GPC5: variants seen among roughly 807,000 people sequenced by gnomAD.
GPC5 encodes glypican-5.
In GPC5, 47 loss-of-function variants were observed where a neutral mutation model predicts 53.9. The ratio of observed to expected loss-of-function variants is 0.87; its 90% CI spans 0.69 to 1.11. The LOEUF is 1.11. Among genes scored for constraint, GPC5 ranks in the 50% most tolerant of loss-of-function variants. The probability of loss-of-function intolerance (pLI) is 0.00; values close to 1 mark genes in which losing one functional copy is unlikely to be tolerated. For missense variants in GPC5, 748 were observed against 713.1 expected (o/e 1.05, Z -0.56); for synonymous variants, 286 against 263.3 (o/e 1.09, Z -0.84).
chr13:91,686,895 C>A (rs928407281), intron 2 of GPC5, among the ~76,000 whole-genome samples: 80 of 152,010 alleles, frequency 5.3e-4, no homozygotes, highest in African/African-American at 1.9e-3. Flanking sequence ...GCACAAAATG[C>A]AAATTCGCTC....
chr13:92,047,295 T>G (rs1594742549), intron 6 of GPC5, among the ~76,000 whole-genome samples: 1 of 152,118 alleles, frequency 6.6e-6, no homozygotes, highest in Admixed American at 6.6e-5. Flanking sequence ...ATCTGAATTC[T>G]CAGTTGGATG....
chr13:92,729,747 A>AAGAT (rs1888751133), intron 7 of GPC5, among the ~76,000 whole-genome samples: 1 of 151,384 alleles, frequency 6.6e-6, no homozygotes, highest in Non-Finnish European at 1.5e-5. Context: ...TAAGACAGGA[A>AAGAT]AGATAGGATT....
intron 7 of GPC5, among the ~76,000 whole-genome samples, chr13:92,712,921 G>C (rs1888188404): frequency 6.6e-6 from 1 of 152,082 alleles, no homozygotes; most frequent in African/African-American, 2.4e-5. Flanking sequence ...AAACCAGGGA[G>C]AAAGGCCCTC....
At chr13:91,842,394 C>G (rs1043727704) in intron 5 of GPC5, among the ~76,000 whole-genome samples, 1 of 148,516 alleles carries the variant, frequency 6.7e-6, no homozygotes, top group African/African-American at 2.5e-5. Context: ...ACTCACAGGG[C>G]AAACTAGATG....
chr13:92,000,049 A>T (rs1594715691), intron 6 of GPC5, among the ~76,000 whole-genome samples: 2 of 152,352 alleles, frequency 1.3e-5, no homozygotes, highest in East Asian at 3.9e-4. Flanking sequence ...TGAAGATGAA[A>T]TAAGATCTAA....
At chr13:92,235,470 C>G (rs760036325) in intron 7 of GPC5, among the ~76,000 whole-genome samples, 2 of 152,098 alleles carry the variant, frequency 1.3e-5, no homozygotes, top group African/African-American at 4.8e-5. Flanking sequence ...TTTTCATACC[C>G]ATATTCCACA....
chr13:91,492,001 A>G (rs1883965779), intron 2 of GPC5, among the ~76,000 whole-genome samples: 1 of 152,212 alleles, frequency 6.6e-6, no homozygotes, highest in Admixed American at 6.5e-5. Flanking sequence ...TCTGTTGAAT[A>G]CTTAGCAATT....
intron 2 of GPC5, among the ~76,000 whole-genome samples, chr13:91,498,579 T>C (rs1289967368): frequency 6.6e-6 from 1 of 152,116 alleles, no homozygotes; most frequent in African/African-American, 2.4e-5. Flanking sequence ...GGTTGGGGAA[T>C]CTGGGAGATC....
chr13:91,509,635 T>C (rs1252859272), intron 2 of GPC5, among the ~76,000 whole-genome samples: 4 of 151,994 alleles, frequency 2.6e-5, no homozygotes, highest in African/African-American at 9.6e-5. Context: ...CAAAAGAGTT[T>C]TATATTAAAC....
intron 6 of GPC5, among the ~76,000 whole-genome samples, chr13:91,910,647 A>G (rs569753975): frequency 6.6e-6 from 1 of 152,264 alleles, no homozygotes; most frequent in East Asian, 1.9e-4. Context: ...TCTGAACCTT[A>G]TTTCTACCCT....
chr13:91,737,090 C>A (rs1031614039), intron 4 of GPC5, among the ~76,000 whole-genome samples: 2 of 151,172 alleles, frequency 1.3e-5, no homozygotes, highest in Non-Finnish European at 2.9e-5. Context: ...GGCAACAGAG[C>A]GAGACTCCGT....
At chr13:92,536,145 G>A (rs1881715149) in intron 7 of GPC5, among the ~76,000 whole-genome samples, 1 of 152,032 alleles carries the variant, frequency 6.6e-6, no homozygotes, top group African/African-American at 2.4e-5. Context: ...TCGTCTCTAA[G>A]CCTTTCGTAC....
At chr13:92,678,159 CT>C in intron 7 of GPC5, among the ~76,000 whole-genome samples, 1 of 152,090 alleles carries the variant, frequency 6.6e-6, no homozygotes, top group Non-Finnish European at 1.5e-5. Context: ...ATATCCAACA[CT>C]TTTTAAGGAA....
chr13:92,159,727 C>T (rs1354791075), intron 7 of GPC5, among the ~76,000 whole-genome samples: 1 of 149,922 alleles, frequency 6.7e-6, no homozygotes, highest in African/African-American at 2.5e-5. Context: ...CTCAGCCTCC[C>T]GAGTAGCTGG....
At position 91,940,612 on chromosome 13, in the gene GPC5, C is replaced by T. The variant is rs9583970; in HGVS notation, c.1401+32555C>T. Among the ~76,000 whole-genome samples the T allele has an allele frequency of 5.1e-3, 783 of 152,238 alleles. 3 individuals are homozygous for T. Among genetic ancestry groups the T allele is most frequent in the African/African-American group, 0.018 (752 of 41,566 alleles). Reference sequence around the variant, plus strand: ...CTGAACTAATTTAGATTCCCACTAGCAGTGTATAAGCATTCCCTTTTCTCC... The same window carrying T: ...CTGAACTAATTTAGATTCCCACTAGTAGTGTATAAGCATTCCCTTTTCTCC... On this transcript the variant is annotated intron_variant, in intron 6 of 7. Transcript: ENST00000377067.
chr13:91,882,607 G>A (rs1029099793), intron 5 of GPC5, among the ~76,000 whole-genome samples: 1 of 149,714 alleles, frequency 6.7e-6, no homozygotes, highest in Non-Finnish European at 1.5e-5. Context: ...AAATAGAATA[G>A]GGTAATAGAG....
intron 5 of GPC5, among the ~76,000 whole-genome samples, chr13:91,804,496 C>T (rs1041732811): frequency 1.3e-5 from 2 of 152,192 alleles, no homozygotes; most frequent in Non-Finnish European, 2.9e-5. Context: ...TTCTTGACAT[C>T]TTTTGCTTAA....
At position 91,926,639 on chromosome 13, in the gene GPC5, A is replaced by C. The variant is rs74366979; in HGVS notation, c.1401+18582A>C. On this transcript the variant is annotated intron_variant, in intron 6 of 7. Coordinates refer to ENST00000377067, the MANE Select transcript of GPC5 (RefSeq NM_004466.6). ...CGGCTTCTGTTGCCTTAAATCCTCT[A>C]AGCTACCCCTTTGGCTTAAGCAAAG... is the stretch of plus-strand genomic sequence containing the variant. 5.3e-3 allele frequency among the ~76,000 whole-genome samples: 814 copies of C among 152,216 alleles called. 15 individuals are homozygous for C. The highest frequency in any genetic ancestry group is 0.019 in the African/African-American group (785 of 41,530).
At chr13:92,603,628 T>C (rs1448336028) in intron 7 of GPC5, among the ~76,000 whole-genome samples, 1 of 152,174 alleles carries the variant, frequency 6.6e-6, no homozygotes, top group Admixed American at 6.5e-5. Flanking sequence ...CATGGTTGTA[T>C]TACCTAGGGT....
Sources: gnomAD v4.1 joint callset for allele counts (sites outside exome capture counted in the v4.1 genomes callset) on GRCh38, gnomAD v4.1.1 for gene constraint, MANE v1.5 for transcripts, NCBI Gene and HGNC (gene_info 2026-07-23, HGNC 2026-07-21) for gene names.